Variants in C1orf167 observed in about 807,000 individuals in gnomAD.
C1orf167 encodes chromosome 1 open reading frame 167.
C1orf167 carries 153 observed loss-of-function variants against 176.5 expected under a neutral mutation model. The ratio of observed to expected loss-of-function variants is 0.87; its 90% CI spans 0.76 to 0.99. C1orf167 has a LOEUF of 0.99. Ranked by LOEUF, C1orf167 falls within the 50% of genes least tolerant of loss-of-function variation. The pLI is 0.00. For synonymous variants in C1orf167, 594 were observed against 752.7 expected, an observed-to-expected ratio of 0.79 and a Z score of 3.45; for missense variants, 1,490 against 1,817.7, an observed-to-expected ratio of 0.82 and a Z score of 3.28.
chr1:11,782,423 G>GGGAA, intron 14 of C1orf167, 90 bp downstream of exon 14: 4 of 1,122,308 alleles, frequency 3.6e-6, no homozygotes, highest in Non-Finnish European at 4.5e-6. Flanking sequence ...CTCAGACGGT[G>GGGAA]GCCCAGATAG....
chr1:11,781,243 C>A (rs535988327), intron 13 of C1orf167, among the ~76,000 whole-genome samples: 1 of 152,114 alleles, frequency 6.6e-6, no homozygotes, highest in Admixed American at 6.6e-5. Flanking sequence ...AGTGATCAAC[C>A]CGCCTCGGCC....
At chr1:11,780,369 C>A (rs1398354461) in intron 13 of C1orf167, among the ~76,000 whole-genome samples, 1 of 152,150 alleles carries the variant, frequency 6.6e-6, no homozygotes, top group African/African-American at 2.4e-5. Flanking sequence ...TGTGAAATTT[C>A]CAAGAGGGAC....
chr1:11,788,536 C>T, intron 19 of C1orf167, 116 bp from the exon 20 acceptor site: 1 of 1,120,014 alleles, frequency 8.9e-7, no homozygotes, highest in Non-Finnish European at 1.2e-6. Flanking sequence ...AGATGACACC[C>T]CCTTGCCATA....
intron 17 of C1orf167, 127 bp from the exon 18 acceptor site, chr1:11,787,746 A>G (rs1012476944): frequency 4.3e-6 from 5 of 1,150,320 alleles, no homozygotes; most frequent in Non-Finnish European, 5.5e-6. Flanking sequence ...AGATGGGGGC[A>G]GGGCACAAGG....
chr1:11,766,810 G>C lies in C1orf167; in HGVS notation c.1024G>C (p.Glu342Gln). ...GTRTKDSLNP[E>Q]QGLPPAHPLG... The stretch of plus-strand genomic sequence containing the variant: ...ACGGACCAAGGATTCCCTTAATCCT[G>C]AGCAGGGGCTCCCTCCTGCCCACCC... Residue 342 changes from glutamate (E) to glutamine (Q), a missense_variant, in exon 3 of 21, where the codon GAG (glutamate) becomes CAG (glutamine). Glu to Gln is a conservative substitution (Grantham distance 29, BLOSUM62 2). Coordinates refer to ENST00000688073, the MANE Select transcript of C1orf167 (RefSeq NM_001010881.2). This position sits in a 1 kb window ranked among gnomAD's most constrained non-coding sequence, Gnocchi z 4.5. 7.8e-7 allele frequency: 1 copy of C among 1,289,486 alleles called. No homozygotes were observed. The highest frequency in any genetic ancestry group is 1.0e-6 in the Non-Finnish European group (1 of 988,708). The allele number at this position is 1,289,486 out of a possible 1,614,324, so 79.9% of individuals were successfully genotyped here. A position where few individuals can be genotyped will look rare whatever the true frequency, so the allele number is the denominator to read the frequency against.
rs1348675103 is a variant in C1orf167, at chr1:11,789,433, A to G, written c.4337A>G (p.Gln1446Arg). ...GWGLGAEHGA[Q>R]LQL ...GGGCTTGGGGCAGAGCATGGGGCCC[A>G]GCTGCAGCTGTGACTTGTTCTCATA... Residue 1446 changes from glutamine (Q) to arginine (R), a missense_variant, in exon 21 of 21, where the codon CAG becomes CGG. Transcript: ENST00000688073. 5.4e-6 allele frequency: 7 copies of G among 1,303,744 alleles called. No individual in the cohort carries two copies. Among genetic ancestry groups the G allele is most frequent in the Non-Finnish European group, 7.1e-6 (7 of 988,840 alleles). The allele number at this position is 1,303,744 out of a possible 1,614,324, so 80.8% of individuals were successfully genotyped here. A position where few individuals can be genotyped will look rare whatever the true frequency, so the allele number is the denominator to read the frequency against.
chr1:11,777,524 G>T (rs148411205), intron 10 of C1orf167: 1 of 151,858 alleles, frequency 6.6e-6, no homozygotes, highest in East Asian at 1.9e-4. Context: ...GGTGGTGCTC[G>T]CCTGTAATCC....
At chr1:11,787,646 G>C in intron 17 of C1orf167, 153 bp downstream of exon 17, 1 of 836,074 alleles carries the variant, frequency 1.2e-6, no homozygotes, top group Non-Finnish European at 1.6e-6. Flanking sequence ...GAATGTTTCA[G>C]CTGTTCTGAG....
chr1:11,776,351 C>A, intron 9 of C1orf167, 113 bp from the exon 10 acceptor site: 1 of 965,344 alleles, frequency 1.0e-6, no homozygotes, highest in Non-Finnish European at 1.3e-6. Flanking sequence ...AGCGGTGGGA[C>A]GGGACAAGAG....
intron 8 of C1orf167, among the ~76,000 whole-genome samples, chr1:11,774,176 A>AT (rs1234464195): frequency 6.6e-6 from 1 of 152,002 alleles, no homozygotes; most frequent in Non-Finnish European, 1.5e-5. Flanking sequence ...AAGTGCTGAG[A>AT]TTACAGGTGT....
At chr1:11,771,349 C>G (rs890872799) in intron 6 of C1orf167, among the ~76,000 whole-genome samples, 175 bp from the exon 7 acceptor site, 4 of 152,018 alleles carry the variant, frequency 2.6e-5, no homozygotes, top group Non-Finnish European at 4.4e-5. Flanking sequence ...GAACCTCCCC[C>G]CAGCAATAGC....
Position 11,784,284 on chromosome 1 carries a change from C to T in C1orf167, c.3116C>T (p.Thr1039Ile), listed in dbSNP as rs1173966782. 7.7e-7 allele frequency: 1 copy of T among 1,303,518 alleles called. No individual in the cohort carries two copies. Among genetic ancestry groups the T allele is most frequent in the East Asian group, 5.5e-5 (1 of 18,024 alleles). 80.7% of individuals were successfully genotyped at this position (1,303,518 alleles called of 1,614,324 possible). ...AGAGCACTGGGGGCCGTGTTTGCCA[C>T]ATGGCGGGAAGCCCAGGAAGTGGCA... The part of the protein sequence containing the change: ...RRRALGAVFA[T>I]WREAQEVAAG... Residue 1039 changes from threonine to isoleucine, a missense_variant, in exon 15 of 21, where the codon ACA (threonine) becomes ATA (isoleucine). Thr to Ile is a moderately conservative substitution (Grantham distance 89). Transcript: ENST00000688073.
chr1:11,788,126 A>ACAGCTGGGCCCTGG (rs1393561836), intron 18 of C1orf167, 23 bp from the exon 19 acceptor site: 3 of 1,277,664 alleles, frequency 2.3e-6, no homozygotes, highest in Non-Finnish European at 3.1e-6. Flanking sequence ...AGCCATGGCT[A>ACAGCTGGGCCCTGG]CAGCTGGGCC....
At position 11,768,999 on chromosome 1, in the gene C1orf167, A is replaced by G. The variant is rs527755652; in HGVS notation, c.1569A>G (p.Lys523=). 3.5e-4 allele frequency: 341 copies of G among 985,910 alleles called. 1 individual carries two copies. The highest frequency in any genetic ancestry group is 1.5e-3 in the Admixed American group (24 of 16,284). 61.1% of individuals were successfully genotyped at this position (985,910 alleles called of 1,614,324 possible). A position where few individuals can be genotyped will look rare whatever the true frequency, so the allele number is the denominator to read the frequency against. The part of the protein sequence containing the change: ...REWRNLALQQ[K]QVQPHMQAGP... ...GGAGAAACCTGGCTTTACAGCAGAA[A>G]CAAGTACAGCCCCACATGCAGGCTG... Residue 523 remains lysine, a synonymous_variant, in exon 6 of 21, where the codon AAA becomes AAG. Coordinates refer to ENST00000688073, the MANE Select transcript of C1orf167 (RefSeq NM_001010881.2). This position sits in a 1 kb window ranked among gnomAD's most constrained non-coding sequence, Gnocchi z 4.5.
intron 16 of C1orf167, 74 bp from the exon 17 acceptor site, chr1:11,787,314 G>A (rs924614599): frequency 6.5e-5 from 59 of 908,222 alleles, no homozygotes; most frequent in Non-Finnish European, 8.5e-5. Context: ...CTAGAGCAGC[G>A]AAGAAATCCC....
At chr1:11,779,675 A>G in intron 12 of C1orf167, 127 bp from the exon 13 acceptor site, 1 of 690,236 alleles carries the variant, frequency 1.4e-6, no homozygotes, top group South Asian at 1.9e-5. Context: ...CCCTCCCATA[A>G]TGGAAACAGA....
Position 11,769,021 on chromosome 1 carries a change from G to T in C1orf167, c.1591G>T (p.Ala531Ser). The change falls in exon 6 of 21, where the codon GCT becomes TCT. Residue 531 changes from alanine (A) to serine (S), a missense_variant. Ala to Ser is a moderately conservative substitution (Grantham distance 99). Coordinates refer to ENST00000688073, the MANE Select transcript of C1orf167 (RefSeq NM_001010881.2). ...GAAACAAGTACAGCCCCACATGCAGGCTGGGCCAGGGTCCCCGCCCTCCAG... is the reference window on the plus strand; with the variant it reads ...GAAACAAGTACAGCCCCACATGCAGTCTGGGCCAGGGTCCCCGCCCTCCAG... The part of the protein sequence containing the change: ...QQKQVQPHMQ[A>S]GPGSPPSRRA... 1.0e-6 allele frequency: 1 copy of T among 985,912 alleles called. No individual in the cohort carries two copies. Among genetic ancestry groups the T allele is most frequent in the Non-Finnish European group, 1.2e-6 (1 of 829,992 alleles). The allele number at this position is 985,912 out of a possible 1,614,324, so 61.1% of individuals were successfully genotyped here.
At chr1:11,782,618 A>G (rs1643649186) in intron 14 of C1orf167, among the ~76,000 whole-genome samples, 1 of 152,142 alleles carries the variant, frequency 6.6e-6, no homozygotes, top group South Asian at 2.1e-4. Context: ...TTTAGAGGAT[A>G]TGATTAAGAT....
chr1:11,788,188 C>T lies in C1orf167; in HGVS notation c.3888C>T (p.Ala1296=). The T allele has an allele frequency of 7.7e-7, 1 of 1,297,308 alleles. No individual in the cohort carries two copies. The highest frequency in any genetic ancestry group is 1.0e-6 in the Non-Finnish European group (1 of 983,350). The allele number at this position is 1,297,308 out of a possible 1,614,324, so 80.4% of individuals were successfully genotyped here. The part of the protein sequence containing the change: ...SCRILEKQAQ[A]HGSALLLALK... ...GGATCCTGGAAAAGCAGGCCCAGGC[C>T]CATGGCTCTGCCCTCCTTCTGGCCC... Residue 1296 remains alanine (A), a synonymous_variant, in exon 19 of 21, where the codon GCC becomes GCT. Coordinates refer to ENST00000688073, the MANE Select transcript of C1orf167 (RefSeq NM_001010881.2).
Sources: allele counts gnomAD v4.1 joint callset (sites outside exome capture counted in the v4.1 genomes callset), GRCh38; gene constraint gnomAD v4.1.1; non-coding constraint Gnocchi (gnomAD v3.1); transcripts MANE v1.5; gene names NCBI Gene and HGNC (gene_info 2026-07-23, HGNC 2026-07-21).